The following HDAC9 variants were observed in gnomAD, a reference collection of about 807,000 sequenced individuals.
The protein encoded by HDAC9 is MEF-2 interacting transcription repressor (MITR) protein.
HDAC9 carries 41 observed loss-of-function variants against 139.4 expected under a neutral mutation model. The ratio of observed to expected loss-of-function variants is 0.29; its 90% confidence interval spans 0.23 to 0.38. The LOEUF (loss-of-function observed/expected upper bound fraction) is 0.38. Among genes scored for constraint, HDAC9 ranks in the 10% least tolerant of loss-of-function variants. HDAC9 has a pLI of 1.00. For missense variants in HDAC9, 1,147 were observed against 1,297.0 expected (o/e 0.88, Z 1.78); for synonymous variants, 517 against 476.2 (o/e 1.09, Z -1.12).
intron 1 of HDAC9, among the ~76,000 whole-genome samples, chr7:18,161,712 G>T (rs1355832381): frequency 6.6e-6 from 1 of 152,152 alleles, no homozygotes; most frequent in Non-Finnish European, 1.5e-5. Context: ...TCAAGAAGAA[G>T]TGGAAATTAT....
intron 22 of HDAC9, among the ~76,000 whole-genome samples, chr7:18,905,853 TC>T: frequency 8.8e-6 from 1 of 113,768 alleles, no homozygotes; most frequent in South Asian, 3.9e-4. Context: ...CTGAATAGTT[TC>T]TTTCTTTCTT....
At chr7:18,321,372 C>G (rs750290473) in intron 1 of HDAC9, among the ~76,000 whole-genome samples, 12 of 152,076 alleles carry the variant, frequency 7.9e-5, no homozygotes, top group Non-Finnish European at 1.5e-4. Context: ...TTAATACTTA[C>G]CATATTCCAT....
In HDAC9 at chr7:18,696,374, A is replaced by G. The variant is rs147743123; in HGVS notation, c.1731+29898A>G. On this transcript the variant is annotated intron_variant, in intron 12 of 25. Transcript: ENST00000686413. The stretch of plus-strand genomic sequence containing the variant: ...ATAGTTATATATGTTATAATTATAT[A>G]GTATAATAACATATTATACTATATA... Among the ~76,000 whole-genome samples the G allele has an allele frequency of 4.6e-3, 687 of 148,382 alleles. 8 individuals are homozygous for G. The highest frequency in any genetic ancestry group is 0.016 in the African/African-American group (660 of 40,928).
intron 23 of HDAC9, among the ~76,000 whole-genome samples, chr7:18,944,631 C>A: frequency 6.6e-6 from 1 of 152,072 alleles, no homozygotes; most frequent in East Asian, 1.9e-4. Flanking sequence ...TCACAGAGAT[C>A]ACATATGTAA....
intron 2 of HDAC9, among the ~76,000 whole-genome samples, chr7:18,258,797 T>C (rs1795448275): frequency 6.6e-6 from 1 of 152,092 alleles, no homozygotes; most frequent in African/African-American, 2.4e-5. Context: ...ATACTATAAA[T>C]CAGTAGCTTC....
intron 21 of HDAC9, among the ~76,000 whole-genome samples, chr7:18,866,459 T>C (rs1798504564): frequency 6.6e-6 from 1 of 152,132 alleles, no homozygotes; most frequent in Non-Finnish European, 1.5e-5. Flanking sequence ...TCACATTGTT[T>C]CTTCCTTGTT....
chr7:18,956,464 G>A (rs1394725148), intron 24 of HDAC9, among the ~76,000 whole-genome samples: 1 of 152,090 alleles, frequency 6.6e-6, no homozygotes, highest in Non-Finnish European at 1.5e-5. Flanking sequence ...GTTGACAGCA[G>A]GTGTGAGGTG....
At chr7:18,119,928 G>A (rs981141823) in intron 1 of HDAC9, among the ~76,000 whole-genome samples, 20 of 152,164 alleles carry the variant, frequency 1.3e-4, no homozygotes, top group Middle Eastern at 3.2e-3. Context: ...ATCAATCCTT[G>A]GGGTGTTTGC....
At chr7:18,678,198 C>T (rs1781651970) in intron 12 of HDAC9, among the ~76,000 whole-genome samples, 1 of 151,758 alleles carries the variant, frequency 6.6e-6, no homozygotes, top group Admixed American at 6.6e-5. Context: ...ATTACGGTTG[C>T]TATTTAGTAA....
intron 2 of HDAC9, among the ~76,000 whole-genome samples, chr7:18,270,974 A>C (rs62449117): frequency 6.6e-6 from 1 of 152,204 alleles, no homozygotes; most frequent in African/African-American, 2.4e-5. Flanking sequence ...ATTTAGCATT[A>C]AAATTGATTC....
chr7:18,893,913 G>A (rs978694041), intron 22 of HDAC9, among the ~76,000 whole-genome samples: 36 of 152,280 alleles, frequency 2.4e-4, no homozygotes, highest in African/African-American at 7.5e-4. Context: ...GAACAGAAAG[G>A]GCAATAGCCC....
intron 2 of HDAC9, among the ~76,000 whole-genome samples, chr7:18,526,513 C>T (rs1252073346): frequency 6.6e-6 from 1 of 152,168 alleles, no homozygotes; most frequent in Non-Finnish European, 1.5e-5. Flanking sequence ...TAGATGCAAA[C>T]AGTGGGAACA....
intron 1 of HDAC9, chr7:18,428,961 C>T (rs10266853): frequency 0.046 from 6,966 of 152,338 alleles, 279 homozygotes; most frequent in East Asian, 0.18. Context: ...CCTCGCCTCA[C>T]GTCTTCAGAT....
intron 13 of HDAC9, among the ~76,000 whole-genome samples, chr7:18,741,924 C>G (rs1462023905): frequency 6.6e-6 from 1 of 152,160 alleles, no homozygotes; most frequent in African/African-American, 2.4e-5. Context: ...AGAAATGGAA[C>G]CTCAATATAT....
At chr7:18,433,938 C>T (rs554047936) in intron 1 of HDAC9, among the ~76,000 whole-genome samples, 78 of 152,120 alleles carry the variant, frequency 5.1e-4, no homozygotes, top group Non-Finnish European at 1.1e-3. Flanking sequence ...CACATGGAAC[C>T]AAAAAAGAGC....
At chr7:18,289,598 A>C (rs1585019250), upstream of HDAC9, among the ~76,000 whole-genome samples, 1 of 152,144 alleles carries the variant, frequency 6.6e-6, no homozygotes, top group Admixed American at 6.6e-5. Context: ...TAATGCCACA[A>C]TCCTTAGATA....
intron 23 of HDAC9, among the ~76,000 whole-genome samples, chr7:18,936,693 TAA>T (rs1272701744): frequency 6.6e-6 from 1 of 152,240 alleles, no homozygotes; most frequent in Non-Finnish European, 1.5e-5. Flanking sequence ...ACAGTAGTGT[TAA>T]GACTATCATA....
chr7:18,100,239 T>C (rs1782760698), intron 1 of HDAC9, among the ~76,000 whole-genome samples: 1 of 152,206 alleles, frequency 6.6e-6, no homozygotes, highest in African/African-American at 2.4e-5. Context: ...ATTCTGTTTA[T>C]TCCTGGTTTT....
chr7:18,941,904 A>C (rs1402739156), intron 23 of HDAC9, among the ~76,000 whole-genome samples: 1 of 152,134 alleles, frequency 6.6e-6, no homozygotes, highest in Non-Finnish European at 1.5e-5. Context: ...TCAAATGCCA[A>C]ATGAAGTGGA....
Sources: allele counts gnomAD v4.1 joint callset (sites outside exome capture counted in the v4.1 genomes callset), GRCh38; gene constraint gnomAD v4.1.1; transcripts MANE v1.5; gene names NCBI Gene and HGNC (gene_info 2026-07-23, HGNC 2026-07-21).